Variants in SPON1 observed in about 807,000 individuals in gnomAD.
The protein encoded by SPON1 is spondin-1.
SPON1 carries 52 observed loss-of-function variants against 111.7 expected under a neutral mutation model. The observed-to-expected ratio is 0.47, with a 90% CI of 0.37 to 0.59. The LOEUF is 0.59. SPON1 is among the 20% of genes least tolerant of loss of function. The pLI is 0.00. For missense variants in SPON1, 957 were observed against 1,068.5 expected, an observed-to-expected ratio of 0.90 and a Z score of 1.46; for synonymous variants, 410 against 395.8, an observed-to-expected ratio of 1.04 and a Z score of -0.43.
chr11:14,200,904 G>A (rs1456545636), intron 6 of SPON1, among the ~76,000 whole-genome samples: 1 of 151,374 alleles, frequency 6.6e-6, no homozygotes, highest in Non-Finnish European at 1.5e-5. Context: ...TAGCTCTAGA[G>A]GATGGTGGCC....
intron 2 of SPON1, among the ~76,000 whole-genome samples, chr11:14,028,072 G>T (rs1391550045): frequency 6.6e-6 from 1 of 152,164 alleles, no homozygotes; most frequent in Non-Finnish European, 1.5e-5. Flanking sequence ...GGGTCATGGA[G>T]GATATTAATA....
At chr11:14,091,931 G>A (rs1400045754) in intron 5 of SPON1, among the ~76,000 whole-genome samples, 4 of 152,198 alleles carry the variant, frequency 2.6e-5, no homozygotes, top group Non-Finnish European at 5.9e-5. Flanking sequence ...TGGCGGGGCG[G>A]GGGAGGCCCC....
At chr11:14,007,766 G>A (rs561526321) in intron 2 of SPON1, among the ~76,000 whole-genome samples, 65 of 152,144 alleles carry the variant, frequency 4.3e-4, no homozygotes, top group Non-Finnish European at 7.1e-4. Context: ...CAGACTGGGG[G>A]CTGGGGACTC....
At chr11:14,127,591 C>T (rs546077691) in intron 5 of SPON1, among the ~76,000 whole-genome samples, 1 of 152,134 alleles carries the variant, frequency 6.6e-6, no homozygotes, top group African/African-American at 2.4e-5. Context: ...ACTTTGAATC[C>T]CAGTGTCATA....
intron 6 of SPON1, among the ~76,000 whole-genome samples, chr11:14,160,972 T>TA (rs1564919828): frequency 5.2e-5 from 2 of 38,182 alleles, no homozygotes; most frequent in Non-Finnish European, 9.5e-5. Context: ...TTTATATATA[T>TA]TTTTATATAT....
At chr11:14,183,011 C>G (rs1442371445) in intron 6 of SPON1, among the ~76,000 whole-genome samples, 1 of 152,208 alleles carries the variant, frequency 6.6e-6, no homozygotes, top group Non-Finnish European at 1.5e-5. Flanking sequence ...GCACACCATG[C>G]TTGATCATTT....
chr11:14,093,194 C>A (rs534544611), intron 5 of SPON1, among the ~76,000 whole-genome samples: 1 of 152,364 alleles, frequency 6.6e-6, no homozygotes, highest in South Asian at 2.1e-4. Flanking sequence ...CCTGCAATGT[C>A]TGTTCGAGGC....
chr11:14,229,499 G>A (rs1554938422), intron 6 of SPON1, among the ~76,000 whole-genome samples: 1 of 152,168 alleles, frequency 6.6e-6, no homozygotes, highest in South Asian at 2.1e-4. Flanking sequence ...GGAGTGGAGA[G>A]CCTGCCAGTA....
rs116682489 is a variant in SPON1, at chr11:14,254,600, C to T, written c.963C>T (p.Gly321=). 1,833 of 1,613,888 alleles carry T rather than the reference C, an allele frequency of 1.1e-3. 21 individuals are homozygous for T. In the African/African-American group the frequency reaches 0.022, roughly 19 times the overall value. ...TAATGTCCTTCCTGACCATGATGGG[C>T]CCTAGTCCCGACTGGAACGTAGGCT... ...RHLMSFLTMM[G]PSPDWNVGLS... Residue 321 remains glycine, a synonymous_variant, in exon 8 of 16, where the codon GGC becomes GGT. Coordinates refer to ENST00000576479, the MANE Select transcript of SPON1 (RefSeq NM_006108.4).
At chr11:14,264,536 T>C (rs1849239944) in intron 15 of SPON1, among the ~76,000 whole-genome samples, 1 of 152,222 alleles carries the variant, frequency 6.6e-6, no homozygotes, top group Non-Finnish European at 1.5e-5. Flanking sequence ...AGCATGAGGA[T>C]CTCCTTGATG....
At chr11:14,062,138 T>C (rs139010130) in intron 3 of SPON1, among the ~76,000 whole-genome samples, 97 of 152,310 alleles carry the variant, frequency 6.4e-4, no homozygotes, top group Non-Finnish European at 2.9e-5. Context: ...GTGACTCATC[T>C]TCCCTTAATT....
At chr11:14,111,421 A>G (rs73424120) in intron 5 of SPON1, among the ~76,000 whole-genome samples, 1 of 152,204 alleles carries the variant, frequency 6.6e-6, no homozygotes, top group African/African-American at 2.4e-5. Context: ...TTAGTGCTGA[A>G]TACATGTTAC....
chr11:14,251,930 A>C (rs1170483537), intron 7 of SPON1, among the ~76,000 whole-genome samples: 1 of 152,258 alleles, frequency 6.6e-6, no homozygotes, highest in Non-Finnish European at 1.5e-5. Flanking sequence ...TTTGTGCCTA[A>C]GTAGCTGATG....
chr11:14,143,144 G>A (rs991314231), intron 6 of SPON1, among the ~76,000 whole-genome samples: 6 of 152,192 alleles, frequency 3.9e-5, no homozygotes, highest in Admixed American at 1.3e-4. Flanking sequence ...TGGATAGCCT[G>A]GGCAATGGTG....
chr11:14,198,814 A>G (rs1306270833), intron 6 of SPON1, among the ~76,000 whole-genome samples: 1 of 152,236 alleles, frequency 6.6e-6, no homozygotes, highest in Non-Finnish European at 1.5e-5. Context: ...GAACTTACTT[A>G]ATAATTTACT....
intron 6 of SPON1, among the ~76,000 whole-genome samples, chr11:14,147,017 C>CTTTTTT (rs34930543): frequency 3.1e-5 from 2 of 64,992 alleles, no homozygotes; most frequent in African/African-American, 6.8e-5. Flanking sequence ...ATGAAAGAAC[C>CTTTTTT]TTTTTTTTTT....
chr11:14,103,776 A>G (rs1849163970), intron 5 of SPON1, among the ~76,000 whole-genome samples: 1 of 152,300 alleles, frequency 6.6e-6, no homozygotes, highest in Admixed American at 6.5e-5. Context: ...TGTTCAATCT[A>G]TTAAATTGTT....
chr11:14,147,081 G>A (rs1199746285), intron 6 of SPON1, among the ~76,000 whole-genome samples: 1 of 122,602 alleles, frequency 8.2e-6, no homozygotes, highest in Admixed American at 1.0e-4. Context: ...CCAGGCTGGA[G>A]TGCAGTGGTG....
Position 14,102,154 on chromosome 11 carries a change from ATAATC to A in SPON1, c.676+22141_676+22145del, listed in dbSNP as rs550231747. 3.3e-3 allele frequency among the ~76,000 whole-genome samples: 507 copies of A among 152,332 alleles called. 3 individuals carry two copies. Among genetic ancestry groups the A allele is most frequent in the African/African-American group, 0.011 (472 of 41,576 alleles). ...TTATCATTAACATTGATAAAATACT[ATAATC>A]TAATCTATATGTCTTGTTCAAATTA... On this transcript the variant is annotated intron_variant, in intron 5 of 15. Coordinates refer to ENST00000576479, the MANE Select transcript of SPON1 (RefSeq NM_006108.4).
Sources: allele counts gnomAD v4.1 joint callset (sites outside exome capture counted in the v4.1 genomes callset), GRCh38; gene constraint gnomAD v4.1.1; transcripts MANE v1.5; gene names NCBI Gene and HGNC (gene_info 2026-07-23, HGNC 2026-07-21).